The following METTL2B variants were observed in gnomAD, a reference collection of about 807,000 sequenced individuals.
METTL2B encodes the protein methyltransferase 2B, tRNA N3-cytidine, also known as tRNA N(3)-cytidine methyltransferase METTL2B.
In METTL2B, 28 loss-of-function variants were observed where a neutral mutation model predicts 51.0. That is an observed-to-expected ratio of 0.55 (90% CI 0.41 to 0.75). The LOEUF (loss-of-function observed/expected upper bound fraction) is 0.75, where lower values mean the gene tolerates loss of function less well. Ranked by LOEUF, METTL2B falls within the 30% of genes least tolerant of loss-of-function variation. The pLI is 0.00. For missense variants in METTL2B, 313 were observed against 460.7 expected (o/e 0.68, Z 2.93); for synonymous variants, 128 against 166.3 (o/e 0.77, Z 1.77).
At chr7:128,486,456 A>C in intron 4 of METTL2B, among the ~76,000 whole-genome samples, 4 of 148,410 alleles carry the variant, frequency 2.7e-5, no homozygotes, top group African/African-American at 7.5e-5. Flanking sequence ...AAAAATTAAC[A>C]AGGCATGGTG....
chr7:128,484,174 T>C (rs62481137), intron 4 of METTL2B: 1 of 151,206 alleles, frequency 6.6e-6, no homozygotes, highest in East Asian at 1.9e-4. Context: ...CTGCAGTCTT[T>C]ACAGCCTTTT....
rs752051606 is a variant in METTL2B, at chr7:128,476,843, C to G, written c.78C>G (p.Ser26Arg). Reference sequence around the variant, plus strand: ...AGCAGTTCGGAAGCCGGTTCCTGAGCGATCCGGCGCGCGTCTTCCACCACA... The same window carrying G: ...AGCAGTTCGGAAGCCGGTTCCTGAGGGATCCGGCGCGCGTCTTCCACCACA... Reference protein sequence around the residue: ...KRQQFGSRFLSDPARVFHHNA... With the variant: ...KRQQFGSRFLRDPARVFHHNA... Residue 26 changes from serine (S) to arginine (R), a missense_variant, in exon 1 of 9, where the codon AGC becomes AGG. Ser to Arg is a moderately radical substitution (Grantham distance 110). Transcript: ENST00000262432. 9 of 1,613,974 alleles carry G rather than the reference C, an allele frequency of 5.6e-6. No individual in the cohort carries two copies. The highest frequency in any genetic ancestry group is 5.0e-5 in the Admixed American group (3 of 59,978).
rs560540526 is a variant in METTL2B at position 128,484,738 on chromosome 7, G to A, written c.609-3363G>A. Among the ~76,000 whole-genome samples the A allele has an allele frequency of 1.7e-4, 26 of 152,038 alleles. 1 individual carries two copies. In the South Asian group the frequency reaches 3.5e-3, roughly 21 times the overall value. On this transcript the variant is annotated intron_variant, in intron 4 of 8. Coordinates refer to ENST00000262432, the MANE Select transcript of METTL2B (RefSeq NM_018396.3). ...CTCCTGAGTAGCTGGGATTACAAGC[G>A]CCCGCCACCACACCCAGCTAATTTT...
Position 128,476,875 on chromosome 7 carries a change from G to C in METTL2B, c.110G>C (p.Trp37Ser). The C allele has an allele frequency of 6.2e-7, 1 of 1,614,148 alleles. No homozygotes were observed. The highest frequency in any genetic ancestry group is 1.1e-5 in the South Asian group (1 of 91,078). ...GCGCGCGTCTTCCACCACAATGCCTGGTAATCACCCTGCCCCCTCGCCCGG... is the reference window on the plus strand; with the variant it reads ...GCGCGCGTCTTCCACCACAATGCCTCGTAATCACCCTGCCCCCTCGCCCGG... ...DPARVFHHNA[W>S]DNVEWSEEQA... Residue 37 changes from tryptophan to serine, a missense_variant and splice_region_variant, in exon 1 of 9, where the codon TGG becomes TCG. Physicochemically the swap from Trp to Ser is radical, Grantham distance 177. Coordinates refer to ENST00000262432, the MANE Select transcript of METTL2B (RefSeq NM_018396.3).
chr7:128,490,121 A>C (rs1267244875), intron 5 of METTL2B, among the ~76,000 whole-genome samples: 1 of 152,014 alleles, frequency 6.6e-6, no homozygotes, highest in Admixed American at 6.6e-5. Context: ...AAAACAAAAA[A>C]CCTTTCTTGC....
chr7:128,480,635 T>C lies in METTL2B; in HGVS notation c.559-12T>C. On this transcript the variant is annotated splice_polypyrimidine_tract_variant and intron_variant, in intron 3 of 8. Coordinates refer to ENST00000262432, the MANE Select transcript of METTL2B (RefSeq NM_018396.3). ...GAAAGTTCTGTGATTAATAGTTCAT[T>C]TCTGTCTGCAGGTTGGCTGTGGTGT... The C allele has an allele frequency of 6.2e-7, 1 of 1,600,170 alleles. No homozygotes were observed. The highest frequency in any genetic ancestry group is 1.4e-5 in the African/African-American group (1 of 74,024).
Position 128,502,532 on chromosome 7 carries a change from A to C in METTL2B, c.*616A>C, listed in dbSNP as rs575809408. ...GAATCAGATCAGATATTTTCCTGAC[A>C]AGAAAAAAATGACCCTGTAGACAGC... On this transcript the variant is annotated 3_prime_UTR_variant, in exon 9 of 9. Coordinates refer to ENST00000262432, the MANE Select transcript of METTL2B (RefSeq NM_018396.3). The C allele has an allele frequency of 2.6e-5, 11 of 420,102 alleles. No individual in the cohort carries two copies. Among genetic ancestry groups the C allele is most frequent in the African/African-American group, 6.8e-5 (3 of 44,300 alleles). The allele number at this position is 420,102 out of a possible 1,614,324, so 26.0% of individuals were successfully genotyped here.
chr7:128,488,649 C>G (rs1792764603), intron 5 of METTL2B: 1 of 380,638 alleles, frequency 2.6e-6, no homozygotes, highest in South Asian at 2.0e-5. Context: ...TCCTTGTTCT[C>G]TAAGACACAA....
intron 8 of METTL2B, 105 bp downstream of exon 8, chr7:128,501,073 C>G: frequency 6.4e-7 from 1 of 1,564,998 alleles, no homozygotes; most frequent in Non-Finnish European, 8.6e-7. Flanking sequence ...TTTAGGCAGG[C>G]TGTTTCCTTC....
At chr7:128,487,604 A>G (rs188225557) in intron 4 of METTL2B, among the ~76,000 whole-genome samples, 82 of 152,320 alleles carry the variant, frequency 5.4e-4, no homozygotes, top group African/African-American at 1.9e-3. Context: ...TTATCTCCTC[A>G]GCATCTAAGA....
chr7:128,493,223 C>CT (rs1792866874), intron 5 of METTL2B, among the ~76,000 whole-genome samples: 1 of 142,702 alleles, frequency 7.0e-6, no homozygotes, highest in African/African-American at 2.6e-5. Context: ...TTTTTCTTTT[C>CT]TTTTTTTAGA....
intron 5 of METTL2B, among the ~76,000 whole-genome samples, chr7:128,493,354 A>G (rs1157560350): frequency 6.6e-6 from 1 of 152,122 alleles, no homozygotes; most frequent in Non-Finnish European, 1.5e-5. Context: ...CTGGGATTAT[A>G]GGCATGCGCC....
In METTL2B at chr7:128,490,180, C is replaced by T. The variant is rs112911220; in HGVS notation, c.669+2019C>T. On this transcript the variant is annotated intron_variant, in intron 5 of 8. Coordinates refer to ENST00000262432, the MANE Select transcript of METTL2B (RefSeq NM_018396.3). ...ATCTTTTCTGGAGTAGATTTGATCT[C>T]AATAAACCACTTTCTTTGCCCAACC... 1.1e-3 allele frequency among the ~76,000 whole-genome samples: 167 copies of T among 152,152 alleles called. 2 individuals are homozygous for T. The highest frequency in any genetic ancestry group is 3.0e-3 in the African/African-American group (125 of 41,492).
chr7:128,484,594 T>C (rs1036741330), intron 4 of METTL2B, among the ~76,000 whole-genome samples: 2 of 152,076 alleles, frequency 1.3e-5, no homozygotes, highest in African/African-American at 2.4e-5. Context: ...TTTTTTGTTT[T>C]GTTTTGGTTT....
intron 2 of METTL2B, among the ~76,000 whole-genome samples, chr7:128,478,727 G>A (rs1233698253): frequency 3.5e-5 from 2 of 56,908 alleles, no homozygotes; most frequent in African/African-American, 7.2e-5. Context: ...TTAGCCGGGC[G>A]TGGTCGTGGG....
At chr7:128,495,516 T>C (rs569603301) in intron 6 of METTL2B, among the ~76,000 whole-genome samples, 1 of 152,198 alleles carries the variant, frequency 6.6e-6, no homozygotes, top group East Asian at 1.9e-4. Context: ...AGTGGTGAGA[T>C]CTTGGCTCAC....
chr7:128,485,700 A>G (rs772416519), intron 4 of METTL2B, among the ~76,000 whole-genome samples: 54 of 150,850 alleles, frequency 3.6e-4, no homozygotes, highest in Non-Finnish European at 5.5e-4. Context: ...GCATGCTGGC[A>G]TGCACGTGTA....
Position 128,479,285 on chromosome 7 carries a change from T to C in METTL2B, c.330T>C (p.Asn110=), listed in dbSNP as rs1186417285. The C allele has an allele frequency of 1.9e-6, 3 of 1,614,218 alleles. No homozygotes were observed. In the South Asian group the frequency reaches 3.3e-5, roughly 18 times the overall value. Reference sequence around the variant, plus strand: ...AGCTGGCACCTAGCCAAAATCAAAATCATTTGAAGGATTGGTTCTTGGAGA... The same window carrying C: ...AGCTGGCACCTAGCCAAAATCAAAACCATTTGAAGGATTGGTTCTTGGAGA... ...FPELAPSQNQ[N]HLKDWFLENK... is the part of the protein sequence containing the mutation. Residue 110 remains asparagine, a synonymous_variant, in exon 3 of 9, where the codon AAT becomes AAC. Coordinates refer to ENST00000262432, the MANE Select transcript of METTL2B (RefSeq NM_018396.3).
intron 7 of METTL2B, among the ~76,000 whole-genome samples, chr7:128,498,728 G>C (rs894325316): frequency 2.6e-5 from 4 of 152,204 alleles, no homozygotes; most frequent in Non-Finnish European, 5.9e-5. Context: ...GCCGGGCGCA[G>C]TGGCTCATGC....
Sources: allele counts gnomAD v4.1 joint callset (sites outside exome capture counted in the v4.1 genomes callset), GRCh38; gene constraint gnomAD v4.1.1; transcripts MANE v1.5; gene names NCBI Gene and HGNC (gene_info 2026-07-23, HGNC 2026-07-21).